Variants in ADAMTS2 observed in about 807,000 individuals in gnomAD.
ADAMTS2 encodes A disintegrin and metalloproteinase with thrombospondin motifs 2.
A neutral mutation model predicts 123.0 loss-of-function variants in ADAMTS2; 50 were observed. That is an observed-to-expected ratio of 0.41 (90% CI 0.32 to 0.51). The LOEUF (loss-of-function observed/expected upper bound fraction) is 0.51. Among genes scored for constraint, ADAMTS2 ranks in the 20% least tolerant of loss-of-function variants. The pLI is 0.35. For synonymous variants in ADAMTS2, 678 were observed against 695.4 expected, an observed-to-expected ratio of 0.98 and a Z score of 0.39; for missense variants, 1,494 against 1,705.2, an observed-to-expected ratio of 0.88 and a Z score of 2.18.
intron 2 of ADAMTS2, among the ~76,000 whole-genome samples, chr5:179,321,061 AACCAATAAGTTT>A (rs1757158086): frequency 6.6e-6 from 1 of 152,190 alleles, no homozygotes; most frequent in Non-Finnish European, 1.5e-5. Context: ...TTTGCAGATT[AACCAATAAGTTT>A]TTTTTTCTTT....
intron 3 of ADAMTS2, among the ~76,000 whole-genome samples, chr5:179,268,972 G>A (rs1766449719): frequency 6.6e-6 from 1 of 152,230 alleles, no homozygotes; most frequent in Non-Finnish European, 1.5e-5. Flanking sequence ...TGGGAAGAAA[G>A]GGCTTTGCAG....
Position 179,345,260 on chromosome 5 carries a change from CA to C in ADAMTS2, c.68del (p.Leu23ArgfsTer142). 3.1e-6 allele frequency: 3 copies of C among 979,536 alleles called. No individual in the cohort carries two copies. The highest frequency in any genetic ancestry group is 2.5e-6 in the Non-Finnish European group (2 of 797,050). 60.7% of individuals were successfully genotyped at this position (979,536 alleles called of 1,614,324 possible). A position where few individuals can be genotyped will look rare whatever the true frequency, so the allele number is the denominator to read the frequency against. ...GCGGCGGCGGCAGGAGCGGCGGCGG[CA>C]GCAGCAGCAGCAGCAGCAGCAGCGC... ...CPALLLLLLL[L>X]PPPLLPPPPP... On this transcript the variant is annotated frameshift_variant, in exon 1 of 22. Coordinates refer to ENST00000251582, the MANE Select transcript of ADAMTS2 (RefSeq NM_014244.5). LOFTEE classifies it high-confidence loss of function. This position sits in a 1 kb window ranked among gnomAD's most constrained non-coding sequence, Gnocchi z 7.5.
At chr5:179,135,010 T>C (rs111259592) in intron 13 of ADAMTS2, among the ~76,000 whole-genome samples, 34 of 21,020 alleles carry the variant, frequency 1.6e-3, no homozygotes, top group Admixed American at 2.4e-3. Context: ...CCGGCTCCAG[T>C]CCCCAGCTCC....
chr5:179,154,540 G>T (rs1279879855), intron 7 of ADAMTS2, among the ~76,000 whole-genome samples: 1 of 152,236 alleles, frequency 6.6e-6, no homozygotes, highest in African/African-American at 2.4e-5. Flanking sequence ...CCCTGCCTGG[G>T]GGCTTGGATG....
At chr5:179,222,910 A>G (rs1271080618) in intron 3 of ADAMTS2, among the ~76,000 whole-genome samples, 30 of 152,204 alleles carry the variant, frequency 2.0e-4, no homozygotes, top group Admixed American at 1.9e-3. Context: ...CACCCTCCCC[A>G]GAGCACCCAG....
rs1055958160 is a variant in ADAMTS2, at chr5:179,225,397, T to C, written c.689-17682A>G. 1.3e-5 allele frequency among the ~76,000 whole-genome samples: 2 copies of C among 152,308 alleles called. No homozygotes were observed. The highest frequency in any genetic ancestry group is 4.8e-5 in the African/African-American group (2 of 41,584). ...TGGAAGCAGGGAAGTGCATGGTCCCTGGCTAAGGGCTCCACCCTCACGGAC... is the reference window on the plus strand; with the variant it reads ...TGGAAGCAGGGAAGTGCATGGTCCCCGGCTAAGGGCTCCACCCTCACGGAC... On this transcript the variant is annotated intron_variant, in intron 3 of 21. Transcript: ENST00000251582. This position sits in a 1 kb window ranked among gnomAD's most constrained non-coding sequence, Gnocchi z 4.5.
intron 2 of ADAMTS2, among the ~76,000 whole-genome samples, chr5:179,298,470 G>C (rs1436001832): frequency 2.6e-5 from 4 of 152,166 alleles, no homozygotes; most frequent in Non-Finnish European, 5.9e-5. Context: ...GCCCTCACCA[G>C]ACACCAAACC....
Position 179,161,173 on chromosome 5 carries a change from A to G in ADAMTS2, c.976-2294T>C, listed in dbSNP as rs556803204. On this transcript the variant is annotated intron_variant, in intron 5 of 21. Transcript: ENST00000251582. ...CATCCAAGCCTGACCCCTGCAGCTC[A>G]TCTCGAGTCCCTGCCAGGTAGTATC... 2.0e-4 allele frequency among the ~76,000 whole-genome samples: 30 copies of G among 152,324 alleles called. 1 individual carries two copies. The South Asian group carries it at 6.0e-3, about 31-fold the overall frequency.
At chr5:179,229,639 G>C (rs138250263) in intron 3 of ADAMTS2, among the ~76,000 whole-genome samples, 1 of 152,044 alleles carries the variant, frequency 6.6e-6, no homozygotes, top group Non-Finnish European at 1.5e-5. Context: ...GCCCAGCCCC[G>C]CAGGAAGCCC....
intron 4 of ADAMTS2, among the ~76,000 whole-genome samples, chr5:179,186,596 A>T (rs1764175619): frequency 6.6e-6 from 1 of 152,214 alleles, no homozygotes; most frequent in South Asian, 2.1e-4. Flanking sequence ...TGGGCATGGG[A>T]ACCACTGGGA....
At chr5:179,313,831 C>T (rs536671580) in intron 2 of ADAMTS2, among the ~76,000 whole-genome samples, 3 of 48,436 alleles carry the variant, frequency 6.2e-5, no homozygotes, top group African/African-American at 1.9e-4. Context: ...AGGGCCTGGC[C>T]GGAGCAGGGG....
At chr5:179,335,188 C>T (rs1247695060) in intron 2 of ADAMTS2, among the ~76,000 whole-genome samples, 4 of 151,794 alleles carry the variant, frequency 2.6e-5, no homozygotes, top group South Asian at 2.1e-4. Context: ...AAATAGAACT[C>T]GAGCTTTATA....
In ADAMTS2 at chr5:179,202,146, C is replaced by T. The variant is rs1308428904; in HGVS notation, c.891+5367G>A. ...CCACTGCTCCCGGAGCCACAGGCGG[C>T]TCCCCTCCACCTCTGGAAGACTGCG... On this transcript the variant is annotated intron_variant, in intron 4 of 21. Coordinates refer to ENST00000251582, the MANE Select transcript of ADAMTS2 (RefSeq NM_014244.5). The surrounding 1 kb of genome is among the most constrained non-coding windows in gnomAD (Gnocchi z 4.0). Among the ~76,000 whole-genome samples, 3 of 152,192 alleles carry T rather than the reference C, an allele frequency of 2.0e-5. No homozygotes were observed. The highest frequency in any genetic ancestry group is 4.8e-5 in the African/African-American group (2 of 41,462).
At chr5:179,218,919 T>G (rs1206522230) in intron 3 of ADAMTS2, among the ~76,000 whole-genome samples, 2 of 152,102 alleles carry the variant, frequency 1.3e-5, no homozygotes, top group Admixed American at 1.3e-4. Flanking sequence ...ACACAGAAGG[T>G]CCTGGCCTGC....
At chr5:179,177,277 G>A (rs1288370327) in intron 5 of ADAMTS2, among the ~76,000 whole-genome samples, 1 of 152,212 alleles carries the variant, frequency 6.6e-6, no homozygotes, top group Non-Finnish European at 1.5e-5. Context: ...GATGATCACG[G>A]TAGAAGTTTC....
chr5:179,151,946 G>C (rs1396973826), intron 10 of ADAMTS2, among the ~76,000 whole-genome samples, 196 bp downstream of exon 10: 2 of 152,184 alleles, frequency 1.3e-5, no homozygotes, highest in Non-Finnish European at 1.5e-5. Context: ...GTGTGCTCCA[G>C]CATCAGAAGC....
At chr5:179,141,606 G>C (rs1763171705) in intron 10 of ADAMTS2, among the ~76,000 whole-genome samples, 1 of 151,626 alleles carries the variant, frequency 6.6e-6, no homozygotes, top group African/African-American at 2.4e-5. Context: ...GGTAAGAAAA[G>C]CAAAAGTCTA....
intron 3 of ADAMTS2, among the ~76,000 whole-genome samples, chr5:179,261,523 G>A (rs76509129): frequency 0.029 from 4,457 of 152,294 alleles, 96 homozygotes; most frequent in Middle Eastern, 0.082. Flanking sequence ...GCCATCTGCC[G>A]GGTCAGCAAC....
At chr5:179,249,309 C>G (rs1295216276) in intron 3 of ADAMTS2, among the ~76,000 whole-genome samples, 1 of 151,854 alleles carries the variant, frequency 6.6e-6, no homozygotes, top group Non-Finnish European at 1.5e-5. Context: ...TAATAAAGAT[C>G]TCAAATCAAT....
Sources: gnomAD v4.1 joint callset for allele counts (sites outside exome capture counted in the v4.1 genomes callset) on GRCh38, gnomAD v4.1.1 for gene constraint, Gnocchi (gnomAD v3.1) non-coding constraint, MANE v1.5 for transcripts, NCBI Gene and HGNC (gene_info 2026-07-23, HGNC 2026-07-21) for gene names.